The following SGCD variants were observed in gnomAD, a reference collection of about 807,000 sequenced individuals.
The protein encoded by SGCD is sarcoglycan delta.
Under a neutral mutation model 36.6 loss-of-function variants are expected in SGCD, and 18 were observed. The ratio of observed to expected loss-of-function variants is 0.49; its 90% CI spans 0.34 to 0.73. The LOEUF is 0.73. Among genes scored for constraint, SGCD ranks in the 30% least tolerant of loss-of-function variants. The pLI, the probability that SGCD is intolerant of heterozygous loss-of-function variation, is 0.01. For synonymous variants in SGCD, 133 were observed against 130.6 expected (o/e 1.02, Z -0.12); for missense variants, 387 against 346.7 (o/e 1.12, Z -0.92).
chr5:156,225,510 A>G (rs552136442), intron 3 of SGCD, among the ~76,000 whole-genome samples: 55 of 152,118 alleles, frequency 3.6e-4, no homozygotes, highest in Non-Finnish European at 6.3e-4. Flanking sequence ...GAAAGAATAC[A>G]CAGAACCATG....
chr5:155,879,620 T>C (rs1271551659), intron 1 of SGCD, among the ~76,000 whole-genome samples: 1 of 152,152 alleles, frequency 6.6e-6, no homozygotes, highest in African/African-American at 2.4e-5. Flanking sequence ...GAAGATAACT[T>C]AAAAATAAAA....
At chr5:155,915,372 A>G (rs952093163) in intron 1 of SGCD, among the ~76,000 whole-genome samples, 3 of 152,112 alleles carry the variant, frequency 2.0e-5, no homozygotes, top group Non-Finnish European at 4.4e-5. Context: ...CCCATTGAAA[A>G]CGCATGGTTT....
the SGCD span, among the ~76,000 whole-genome samples, chr5:155,778,108 G>A: frequency 2.0e-5 from 3 of 152,156 alleles, no homozygotes; most frequent in Admixed American, 1.3e-4. Context: ...ACATGAAGGG[G>A]ATGTCAAAAG....
At chr5:155,784,400 A>G in the SGCD span, among the ~76,000 whole-genome samples, 1 of 152,162 alleles carries the variant, frequency 6.6e-6, no homozygotes, top group Admixed American at 6.5e-5. Context: ...TAGGAAGGTA[A>G]GCACAGTGAG....
intron 3 of SGCD, among the ~76,000 whole-genome samples, chr5:156,140,427 G>A (rs1762552762): frequency 6.6e-6 from 1 of 152,184 alleles, no homozygotes; most frequent in Admixed American, 6.5e-5. Context: ...TGAAAGACCA[G>A]TTTGATGAGG....
intron 1 of SGCD, among the ~76,000 whole-genome samples, chr5:155,935,304 T>C (rs995487112): frequency 6.6e-6 from 1 of 152,230 alleles, no homozygotes; most frequent in African/African-American, 2.4e-5. Context: ...TGTTACTGAA[T>C]TCATTTATTC....
intron 3 of SGCD, among the ~76,000 whole-genome samples, chr5:156,127,701 C>A (rs1378906722): frequency 6.6e-6 from 1 of 151,492 alleles, no homozygotes; most frequent in African/African-American, 2.4e-5. Context: ...TTAACAAGAG[C>A]ACCACATTAC....
At chr5:156,177,242 C>T (rs1315187197) in intron 3 of SGCD, among the ~76,000 whole-genome samples, 1 of 152,076 alleles carries the variant, frequency 6.6e-6, no homozygotes, top group African/African-American at 2.4e-5. Context: ...CCTCGTGATC[C>T]ACTCACCTCG....
At chr5:155,790,383 G>A in the SGCD span, among the ~76,000 whole-genome samples, 9 of 152,010 alleles carry the variant, frequency 5.9e-5, no homozygotes, top group Admixed American at 2.6e-4. Flanking sequence ...CAGAGAATCA[G>A]AATAATTTTT....
the SGCD span, among the ~76,000 whole-genome samples, chr5:155,841,807 A>G: frequency 3.9e-5 from 6 of 152,102 alleles, no homozygotes; most frequent in African/African-American, 1.4e-4. Flanking sequence ...CCAAAGATTG[A>G]CGGGGGAGAA....
chr5:156,329,826 G>C (rs1400138380), intron 2 of SGCD, among the ~76,000 whole-genome samples: 1 of 151,918 alleles, frequency 6.6e-6, no homozygotes, highest in African/African-American at 2.4e-5. Context: ...GACCATCCTG[G>C]CTAACACGGT....
intron 7 of SGCD, among the ~76,000 whole-genome samples, chr5:156,722,849 GCCACACA>G (rs1561876685): frequency 1.3e-5 from 2 of 152,108 alleles, no homozygotes; most frequent in Non-Finnish European, 2.9e-5. Flanking sequence ...ACTCTCTGGG[GCCACACA>G]AGACAACACA....
chr5:156,290,789 G>A (rs1476191138), intron 3 of SGCD, among the ~76,000 whole-genome samples: 2 of 152,012 alleles, frequency 1.3e-5, no homozygotes, highest in African/African-American at 4.8e-5. Flanking sequence ...ATAAAAAATG[G>A]AAAAGAATTT....
the SGCD span, among the ~76,000 whole-genome samples, chr5:155,861,058 T>C: frequency 1.3e-5 from 2 of 152,198 alleles, no homozygotes; most frequent in Admixed American, 6.5e-5. Flanking sequence ...ATATTTTTCA[T>C]TGTATATCCA....
intron 3 of SGCD, among the ~76,000 whole-genome samples, chr5:156,229,864 C>CT (rs1053164943): frequency 2.0e-5 from 3 of 152,046 alleles, no homozygotes; most frequent in African/African-American, 7.2e-5. Context: ...TTTTCTTATT[C>CT]TTTTTTCTTT....
At chr5:156,334,278 A>G (rs1385823570) in intron 2 of SGCD, among the ~76,000 whole-genome samples, 3 of 152,170 alleles carry the variant, frequency 2.0e-5, no homozygotes, top group South Asian at 2.1e-4. Context: ...AGTATCTGCC[A>G]CTACTATTAG....
intron 3 of SGCD, among the ~76,000 whole-genome samples, chr5:156,237,162 A>C (rs1385465493): frequency 1.3e-5 from 2 of 152,174 alleles, no homozygotes; most frequent in Non-Finnish European, 2.9e-5. Context: ...CAACAACAAC[A>C]AAAAATTTAA....
intron 3 of SGCD, among the ~76,000 whole-genome samples, chr5:156,281,090 T>C (rs553041526): frequency 6.6e-6 from 1 of 152,328 alleles, no homozygotes; most frequent in South Asian, 2.1e-4. Context: ...ATCTAAGTGA[T>C]GTTTATACAG....
intron 3 of SGCD, among the ~76,000 whole-genome samples, chr5:156,173,435 CA>C (rs1447443945): frequency 6.6e-6 from 1 of 151,166 alleles, no homozygotes; most frequent in Non-Finnish European, 1.5e-5. Context: ...TTGTTCTTAA[CA>C]AAAATACATG....
Sources: allele counts gnomAD v4.1 joint callset (sites outside exome capture counted in the v4.1 genomes callset), GRCh38; gene constraint gnomAD v4.1.1; transcripts MANE v1.5; gene names NCBI Gene and HGNC (gene_info 2026-07-23, HGNC 2026-07-21).